The following ZNF606 variants were observed in gnomAD, a reference collection of about 807,000 sequenced individuals.
ZNF606 encodes the protein zinc finger protein 606, also known as zinc finger protein 328.
Under a neutral mutation model 74.9 loss-of-function variants are expected in ZNF606, and 37 were observed. That is an observed-to-expected ratio of 0.49 (90% CI 0.38 to 0.65). The LOEUF (loss-of-function observed/expected upper bound fraction) is 0.65, where lower values mean the gene tolerates loss of function less well. Ranked by LOEUF, ZNF606 falls within the 30% of genes least tolerant of loss-of-function variation. The pLI, the probability that ZNF606 is intolerant of heterozygous loss-of-function variation, is 0.00. For synonymous variants in ZNF606, 328 were observed against 312.4 expected (o/e 1.05, Z -0.53); for missense variants, 852 against 952.9 (o/e 0.89, Z 1.39).
chr19:57,985,126 A>C (rs1311958201), intron 6 of ZNF606, among the ~76,000 whole-genome samples: 2 of 152,060 alleles, frequency 1.3e-5, no homozygotes, highest in Non-Finnish European at 2.9e-5. Flanking sequence ...ACAACAACAA[A>C]AACACAAAAA....
At chr19:57,983,404 G>A (rs761370098) in intron 6 of ZNF606, among the ~76,000 whole-genome samples, 4 of 151,890 alleles carry the variant, frequency 2.6e-5, no homozygotes, top group South Asian at 4.2e-4. Context: ...GTGAAACCCC[G>A]TCTCTACTAA....
intron 4 of ZNF606, among the ~76,000 whole-genome samples, chr19:57,993,981 A>G (rs2073298708): frequency 6.6e-6 from 1 of 152,234 alleles, no homozygotes; most frequent in African/African-American, 2.4e-5. Flanking sequence ...CGTCTCCTGG[A>G]CATGAGAAAC....
In ZNF606 at chr19:58,002,796, G is replaced by A. The variant is rs1457688946; in HGVS notation, c.-452C>T. On this transcript the variant is annotated 5_prime_UTR_variant, in exon 1 of 7. Coordinates refer to ENST00000551380, the MANE Select transcript of ZNF606 (RefSeq NM_001348022.3). ...AGGCCTCACCTCAGCCGCGGACAAT[G>A]GCGGCTGCTTCCCCGGCGTCGACCG... 2.2e-6 allele frequency: 1 copy of A among 451,882 alleles called. No individual in the cohort carries two copies. The highest frequency in any genetic ancestry group is 7.2e-5 in the East Asian group (1 of 13,940). The allele number at this position is 451,882 out of a possible 1,614,324, so 28.0% of individuals were successfully genotyped here. A position where few individuals can be genotyped will look rare whatever the true frequency, so the allele number is the denominator to read the frequency against.
intron 4 of ZNF606, among the ~76,000 whole-genome samples, chr19:57,988,999 G>A (rs1205674145): frequency 2.0e-5 from 3 of 152,152 alleles, no homozygotes; most frequent in African/African-American, 2.4e-5. Flanking sequence ...CCAGCACACT[G>A]GCTATGTCCC....
intron 6 of ZNF606, among the ~76,000 whole-genome samples, chr19:57,981,894 A>C (rs989589110): frequency 1.3e-5 from 2 of 152,240 alleles, no homozygotes; most frequent in Non-Finnish European, 2.9e-5. Flanking sequence ...CCCTGCTGCT[A>C]TCCTTAGAGA....
intron 6 of ZNF606, among the ~76,000 whole-genome samples, chr19:57,980,783 C>G (rs1299531223): frequency 2.7e-5 from 4 of 146,362 alleles, no homozygotes; most frequent in Non-Finnish European, 5.9e-5. Flanking sequence ...TGCAGTGAGC[C>G]AAGATCGCGC....
At chr19:57,985,073 C>T (rs1027459655) in intron 6 of ZNF606, among the ~76,000 whole-genome samples, 9 of 152,156 alleles carry the variant, frequency 5.9e-5, no homozygotes, top group Middle Eastern at 3.4e-3. Context: ...TGAGCCTGGG[C>T]GACAGAGCGA....
chr19:57,979,809 A>C lies in ZNF606; in HGVS notation c.871T>G (p.Cys291Gly), dbSNP rs558543063. Residue 291 changes from cysteine (C) to glycine (G), a missense_variant, in exon 7 of 7, where the codon TGT becomes GGT. By Grantham distance (159) the Cys-to-Gly change is radical. This residue lies in a region of ZNF606 where 545 missense variants were observed against 542.5 expected (regional missense o/e 1.00). Transcript: ENST00000551380. ...TTGAAAGATTTAACAGCATCAGTAC[A>C]TTTGAAAAGATTATCTCCAGTTTGT... is the stretch of plus-strand genomic sequence containing the variant. ...RIQTGDNLFK[C>G]TDAVKSFNHI... 1.2e-6 allele frequency: 2 copies of C among 1,613,422 alleles called. No homozygotes were observed. The highest frequency in any genetic ancestry group is 3.3e-5 in the Admixed American group (2 of 60,028).
chr19:58,002,913 C>G, upstream of ZNF606: 1 of 445,118 alleles, frequency 2.2e-6, no homozygotes, highest in Non-Finnish European at 4.5e-6. Flanking sequence ...TCCTGGGCCG[C>G]GCCGCCTCGC....
Position 57,988,315 on chromosome 19 carries a change from G to A in ZNF606, c.305-13C>T, listed in dbSNP as rs75942843. On this transcript the variant is annotated splice_polypyrimidine_tract_variant and intron_variant, in intron 5 of 6. Coordinates refer to ENST00000551380, the MANE Select transcript of ZNF606 (RefSeq NM_001348022.3). ...GCAATCTGATTTCCTATGCATGGAG[G>A]AAAAGCATGGAAATCATGTCATGAG... is the stretch of plus-strand genomic sequence containing the variant. 2.9e-3 allele frequency: 4,634 copies of A among 1,609,198 alleles called. 101 individuals carry two copies. The African/African-American group carries it at 0.051, about 18-fold the overall frequency.
At position 57,978,339 on chromosome 19, in the gene ZNF606, G is replaced by C; in HGVS notation, c.2341C>G (p.Gln781Glu). 6.3e-7 allele frequency: 1 copy of C among 1,585,574 alleles called. No homozygotes were observed. The highest frequency in any genetic ancestry group is 8.6e-7 in the Non-Finnish European group (1 of 1,164,068). The change falls in exon 7 of 7, where the codon CAA (glutamine) becomes GAA (glutamate). Residue 781 changes from glutamine (Q) to glutamate (E), a missense_variant. This residue lies in a region of ZNF606 where 64 missense variants were observed against 51.1 expected (regional missense o/e 1.25). Coordinates refer to ENST00000551380, the MANE Select transcript of ZNF606 (RefSeq NM_001348022.3). The surrounding 1 kb of genome is among the most constrained non-coding windows in gnomAD (Gnocchi z 4.4). ...TCTTCACTGTGATTTCTCTGGTGTT[G>C]AAGTAGGGCTGAGTGACCACTAAAG... Reference protein sequence around the residue: ...KAFSGHSALLQHQRNHSEEKL... With the variant: ...KAFSGHSALLEHQRNHSEEKL...
chr19:58,001,131 A>G (rs1451920943), intron 2 of ZNF606, 158 bp downstream of exon 2: 3 of 817,332 alleles, frequency 3.7e-6, no homozygotes, highest in Non-Finnish European at 5.8e-6. Context: ...TTTTATGCCA[A>G]CAATTTTCCT....
Position 57,999,896 on chromosome 19 carries a change from G to A in ZNF606, c.89C>T (p.Ala30Val), listed in dbSNP as rs2123346041. 1 of 1,613,270 alleles carries A rather than the reference G, an allele frequency of 6.2e-7. No homozygotes were observed. Among genetic ancestry groups the A allele is most frequent in the South Asian group, 1.1e-5 (1 of 91,082 alleles). The change falls in exon 4 of 7, where the codon GCT (alanine) becomes GTT (valine). Residue 30 changes from alanine (A) to valine (V), a missense_variant and splice_region_variant. Physicochemically the swap from Ala to Val is moderately conservative, Grantham distance 64 (BLOSUM62 0). Coordinates refer to ENST00000551380, the MANE Select transcript of ZNF606 (RefSeq NM_001348022.3). ...CCAGGCAGGATACTGAGGACACAGA[G>A]CTAGGAAACGAGAAAAAAGTCATGG... ...MTAVDPWASW[A>V]LCPQYPAWHV...
Position 57,979,220 on chromosome 19 carries a change from T to A in ZNF606, c.1460A>T (p.Asn487Ile). 8 of 1,613,806 alleles carry A rather than the reference T, an allele frequency of 5.0e-6. No homozygotes were observed. The highest frequency in any genetic ancestry group is 6.8e-6 in the Non-Finnish European group (8 of 1,179,912). The change falls in exon 7 of 7, where the codon AAT becomes ATT. Residue 487 changes from asparagine to isoleucine, a missense_variant. Physicochemically the swap from Asn to Ile is moderately radical, Grantham distance 149. Coordinates refer to ENST00000551380, the MANE Select transcript of ZNF606 (RefSeq NM_001348022.3). ...CCAGTTGAAAGATTTCCCACACTCA[T>A]TACAAACATAAGGTTTTTCTCCTGT... The part of the protein sequence containing the change: ...IHTGEKPYVC[N>I]ECGKSFNWNS...
chr19:57,978,478 C>T lies in ZNF606; in HGVS notation c.2202G>A (p.Lys734=), dbSNP rs1256976862. The change falls in exon 7 of 7, where the codon AAG becomes AAA. Residue 734 remains lysine, a synonymous_variant. Transcript: ENST00000551380. This position sits in a 1 kb window ranked among gnomAD's most constrained non-coding sequence, Gnocchi z 4.4. ...IVHLRNHTGE[K]PYKCNHCEKA... ...TTTCACAATGATTACATTTGTAGGG[C>T]TTTTCTCCAGTATGGTTTCTTAGGT... 1 of 1,613,698 alleles carries T rather than the reference C, an allele frequency of 6.2e-7. No homozygotes were observed. The highest frequency in any genetic ancestry group is 8.5e-7 in the Non-Finnish European group (1 of 1,179,736).
chr19:57,988,589 C>T lies in ZNF606; in HGVS notation c.304+6G>A. 6.2e-7 allele frequency: 1 copy of T among 1,612,312 alleles called. No homozygotes were observed. The highest frequency in any genetic ancestry group is 8.5e-7 in the Non-Finnish European group (1 of 1,178,876). On this transcript the variant is annotated splice_donor_region_variant and intron_variant, in intron 5 of 6. Coordinates refer to ENST00000551380, the MANE Select transcript of ZNF606 (RefSeq NM_001348022.3). ...GCTTCGTTTACTTGGGCAGCACCTG[C>T]CTTACCCACAGAGAGCAGGTGACCA... is the stretch of plus-strand genomic sequence containing the variant.
chr19:58,002,428 G>A lies in ZNF606; in HGVS notation c.-84C>T, dbSNP rs992042113. 1.5e-5 allele frequency: 7 copies of A among 455,770 alleles called. No homozygotes were observed. Among genetic ancestry groups the A allele is most frequent in the African/African-American group, 1.0e-4 (5 of 50,046 alleles). The allele number at this position is 455,770 out of a possible 1,614,324, so 28.2% of individuals were successfully genotyped here. A position where few individuals can be genotyped will look rare whatever the true frequency, so the allele number is the denominator to read the frequency against. On this transcript the variant is annotated 5_prime_UTR_variant, in exon 1 of 7. Coordinates refer to ENST00000551380, the MANE Select transcript of ZNF606 (RefSeq NM_001348022.3). ...GCGGCCGGCGGTCCCCCTTGAAGGCGGCGCAGCAGGATCGGGGTCTGCCCG... is the reference window on the plus strand; with the variant it reads ...GCGGCCGGCGGTCCCCCTTGAAGGCAGCGCAGCAGGATCGGGGTCTGCCCG...
In ZNF606 at chr19:58,002,754, C is replaced by T; in HGVS notation, c.-410G>A. Reference sequence around the variant, plus strand: ...CCCCCAAGCCCCGCAGCTACGGCGGCCCCACAGCCTGAGCAAAGGCCTCAC... The same window carrying T: ...CCCCCAAGCCCCGCAGCTACGGCGGTCCCACAGCCTGAGCAAAGGCCTCAC... On this transcript the variant is annotated 5_prime_UTR_variant, in exon 1 of 7. Transcript: ENST00000551380. 2.2e-6 allele frequency: 1 copy of T among 454,096 alleles called. No homozygotes were observed. Among genetic ancestry groups the T allele is most frequent in the Non-Finnish European group, 4.4e-6 (1 of 226,034 alleles). 28.1% of individuals were successfully genotyped at this position (454,096 alleles called of 1,614,324 possible).
chr19:58,001,531 A>G (rs1003682424), intron 1 of ZNF606, among the ~76,000 whole-genome samples, 161 bp from the exon 2 acceptor site: 2 of 152,250 alleles, frequency 1.3e-5, no homozygotes, highest in Non-Finnish European at 2.9e-5. Context: ...ATTCCTGGAG[A>G]GAAATGAAAG....
Sources: gnomAD v4.1 joint callset for allele counts (sites outside exome capture counted in the v4.1 genomes callset) on GRCh38, gnomAD v4.1.1 for gene constraint, gnomAD v4.1.1 regional missense constraint, Gnocchi (gnomAD v3.1) non-coding constraint, MANE v1.5 for transcripts, NCBI Gene and HGNC (gene_info 2026-07-23, HGNC 2026-07-21) for gene names.